The following MYH11 variants were observed in gnomAD, a reference collection of about 807,000 sequenced individuals.
MYH11 encodes myosin heavy chain 11, also known as myosin-11.
A neutral mutation model predicts 246.6 loss-of-function variants in MYH11; 80 were observed. The observed-to-expected ratio is 0.32, with a 90% CI of 0.27 to 0.39. The LOEUF (loss-of-function observed/expected upper bound fraction) is 0.39. Ranked by LOEUF, MYH11 falls within the 10% of genes least tolerant of loss-of-function variation. The pLI is 1.00. For missense variants in MYH11, 2,158 were observed against 2,546.8 expected, an observed-to-expected ratio of 0.85 and a Z score of 3.29; for synonymous variants, 1,071 against 1,015.5, an observed-to-expected ratio of 1.05 and a Z score of -1.04.
chr16:15,835,080 CA>C (rs111629749), intron 2 of MYH11, among the ~76,000 whole-genome samples: 38,075 of 125,050 alleles, frequency 0.3, 5,436 homozygotes, highest in Admixed American at 0.41. Flanking sequence ...GCCCCCATCT[CA>C]AAAAAAAAAA....
Position 15,756,451 on chromosome 16 carries a change from T to G in MYH11, c.1639A>C (p.Lys547Gln). Residue 547 changes from lysine (K) to glutamine (Q), a missense_variant, in exon 14 of 41, where the codon AAG becomes CAG. Physicochemically the swap from Lys to Gln is moderately conservative, Grantham distance 53 (BLOSUM62 1). Coordinates refer to ENST00000300036, the MANE Select transcript of MYH11 (RefSeq NM_002474.3). ...GTGCACAGCTTCTCCACGAAAGACTTGTCCGTGGCTTTGGGGAACCAGCAT... is the reference window on the plus strand; with the variant it reads ...GTGCACAGCTTCTCCACGAAAGACTGGTCCGTGGCTTTGGGGAACCAGCAT... Reference protein sequence around the residue: ...EECWFPKATDKSFVEKLCTEQ... With the variant: ...EECWFPKATDQSFVEKLCTEQ... 1 of 1,614,198 alleles carries G rather than the reference T, an allele frequency of 6.2e-7. No individual in the cohort carries two copies. The highest frequency in any genetic ancestry group is 8.5e-7 in the Non-Finnish European group (1 of 1,180,036).
intron 40 of MYH11, among the ~76,000 whole-genome samples, chr16:15,709,679 T>C (rs1287024796): frequency 6.6e-6 from 1 of 152,102 alleles, no homozygotes; most frequent in Non-Finnish European, 1.5e-5. Flanking sequence ...CTCCTATAAA[T>C]CCCATGATTG....
In MYH11 at chr16:15,742,288, A is replaced by G. The variant is rs1011105650; in HGVS notation, c.2521-397T>C. ...TGCTGAAAAGTGATATTTCCTTCCAAGGACAAAAGGGAGAAAAAAAATCTT... is the reference window on the plus strand; with the variant it reads ...TGCTGAAAAGTGATATTTCCTTCCAGGGACAAAAGGGAGAAAAAAAATCTT... On this transcript the variant is annotated intron_variant, in intron 20 of 40. Transcript: ENST00000300036. The G allele has an allele frequency of 1.1e-5, 3 of 275,670 alleles. No homozygotes were observed. In the South Asian group the frequency reaches 1.4e-4, roughly 13 times the overall value. 17.1% of individuals were successfully genotyped at this position (275,670 alleles called of 1,614,324 possible). A position where few individuals can be genotyped will look rare whatever the true frequency, so the allele number is the denominator to read the frequency against.
intron 3 of MYH11, among the ~76,000 whole-genome samples, chr16:15,819,744 C>T (rs376735817): frequency 3.9e-5 from 6 of 152,190 alleles, no homozygotes; most frequent in South Asian, 2.1e-4. Flanking sequence ...CGAATCATCC[C>T]GAACCATCTC....
chr16:15,842,762 C>CAAAA (rs757920488), intron 1 of MYH11, among the ~76,000 whole-genome samples: 1 of 19,670 alleles, frequency 5.1e-5, no homozygotes, highest in African/African-American at 1.1e-4. Flanking sequence ...AGACTTCATC[C>CAAAA]AAAAAAAAAA....
At chr16:15,837,042 A>AAAAGAAAC (rs2043916742) in intron 2 of MYH11, among the ~76,000 whole-genome samples, 1 of 152,116 alleles carries the variant, frequency 6.6e-6, no homozygotes, top group African/African-American at 2.4e-5. Context: ...TCTTTTAATT[A>AAAAGAAAC]ATTTAAATCT....
Position 15,788,077 on chromosome 16 carries a change from C to CTTTTTTTTTTTTTTT in MYH11, c.531-1360_531-1346dup, listed in dbSNP as rs1555569336. ...GTCCTCCTGGAATATGAAGGTAGAT[C>CTTTTTTTTTTTTTTT]TTTTTTTTTTTTTTTTTTACCAAGA... On this transcript the variant is annotated intron_variant, in intron 4 of 40. Coordinates refer to ENST00000300036, the MANE Select transcript of MYH11 (RefSeq NM_002474.3). Among the ~76,000 whole-genome samples, 181 of 55,338 alleles carry CTTTTTTTTTTTTTTT rather than the reference C, an allele frequency of 3.3e-3. 24 individuals are homozygous for CTTTTTTTTTTTTTTT. The highest frequency in any genetic ancestry group is 6.4e-3 in the South Asian group (7 of 1,098). 36.3% of individuals were successfully genotyped at this position (55,338 alleles called of 152,430 possible). A position where few individuals can be genotyped will look rare whatever the true frequency, so the allele number is the denominator to read the frequency against.
At chr16:15,832,389 A>G (rs1319056874) in intron 2 of MYH11, among the ~76,000 whole-genome samples, 2 of 152,156 alleles carry the variant, frequency 1.3e-5, no homozygotes, top group African/African-American at 4.8e-5. Flanking sequence ...GCATGAGTGA[A>G]GCAGGGCGTG....
intron 2 of MYH11, among the ~76,000 whole-genome samples, chr16:15,825,727 A>G (rs2043545366): frequency 6.6e-6 from 1 of 152,042 alleles, no homozygotes; most frequent in African/African-American, 2.4e-5. Flanking sequence ...GGGACGGAGG[A>G]GTCAAGGCAC....
chr16:15,714,551 G>A lies in MYH11; in HGVS notation c.5786+358C>T, dbSNP rs556672614. On this transcript the variant is annotated intron_variant, in intron 40 of 40. Coordinates refer to ENST00000300036, the MANE Select transcript of MYH11 (RefSeq NM_002474.3). ...CATGTCAGGAAGGAGGTGAAGTGGC[G>A]GGGGGTGGTGTTGCAGCTTCAATGG... is the stretch of plus-strand genomic sequence containing the variant. The A allele has an allele frequency of 4.0e-4, 164 of 406,654 alleles. 1 individual carries two copies. Among genetic ancestry groups the A allele is most frequent in the South Asian group, 5.1e-4 (20 of 38,946 alleles). The allele number at this position is 406,654 out of a possible 1,614,324, so 25.2% of individuals were successfully genotyped here.
intron 20 of MYH11, among the ~76,000 whole-genome samples, chr16:15,742,452 T>C (rs187662228): frequency 4.7e-4 from 71 of 152,322 alleles, no homozygotes; most frequent in African/African-American, 1.6e-3. Context: ...TTTAAAATTA[T>C]ATGATACAGA....
intron 10 of MYH11, among the ~76,000 whole-genome samples, chr16:15,763,180 A>T (rs764829809): frequency 6.6e-6 from 1 of 152,222 alleles, no homozygotes; most frequent in Admixed American, 6.5e-5. Flanking sequence ...ATTGAAATTT[A>T]TCTGGACATC....
intron 40 of MYH11, chr16:15,714,368 GGACTACTGCAGCCGGTGGGTA>G (rs1223755624): frequency 5.8e-6 from 1 of 172,922 alleles, no homozygotes; most frequent in Non-Finnish European, 1.3e-5. Flanking sequence ...GGGTGGTGGG[GGACTACTGCAGCCGGTGGGTA>G]GAGGCCAGAA....
At position 15,745,214 on chromosome 16, in the gene MYH11, T is replaced by C. The variant is rs761891932; in HGVS notation, c.2435A>G (p.Gln812Arg). Residue 812 changes from glutamine (Q) to arginine (R), a missense_variant, in exon 20 of 41, where the codon CAG becomes CGG. Gln to Arg is a conservative substitution (Grantham distance 43, BLOSUM62 1). Transcript: ENST00000300036. The stretch of plus-strand genomic sequence containing the variant: ...CTGAATCACCTTCATGGCGGTCAGC[T>C]GCTGCTGCCTCTTGGCAAAAGCCCT... Reference protein sequence around the residue: ...ARKAFAKRQQQLTAMKVIQRN... With the variant: ...ARKAFAKRQQRLTAMKVIQRN... 1.4e-5 allele frequency: 23 copies of C among 1,612,928 alleles called. No individual in the cohort carries two copies. The highest frequency in any genetic ancestry group is 3.3e-5 in the Admixed American group (2 of 59,952).
chr16:15,836,719 C>CTTTTTT (rs780997939), intron 2 of MYH11, among the ~76,000 whole-genome samples: 19 of 95,078 alleles, frequency 2.0e-4, no homozygotes, highest in East Asian at 3.1e-4. Flanking sequence ...TTTAATGTTT[C>CTTTTTT]TTTTTTTTTT....
rs925759805 is a variant in MYH11, at chr16:15,718,442, G to T, written c.5172-4C>A. 4 of 1,555,086 alleles carry T rather than the reference G, an allele frequency of 2.6e-6. No homozygotes were observed. The highest frequency in any genetic ancestry group is 2.3e-5 in the South Asian group (2 of 87,058). On this transcript the variant is annotated splice_region_variant and splice_polypyrimidine_tract_variant and intron_variant, in intron 36 of 40. Transcript: ENST00000300036. ...CTTCTCGTCCTGGAGTGCGTTCCTG[G>T]GGGAAGGGCGGCCATGGTGGGGGCC...
chr16:15,798,624 C>CAAAAAAAAAAAAAAAAAAAAA, intron 4 of MYH11, 36 bp downstream of exon 4: 1 of 870,258 alleles, frequency 1.1e-6, no homozygotes, highest in Non-Finnish European at 1.5e-6. Flanking sequence ...AAAAAAAAAA[C>CAAAAAAAAAAAAAAAAAAAAA]AAAAAAAAAA....
intron 3 of MYH11, among the ~76,000 whole-genome samples, chr16:15,813,560 C>A (rs950053702): frequency 1.3e-5 from 2 of 152,036 alleles, no homozygotes; most frequent in African/African-American, 4.8e-5. Context: ...AATAAAAATC[C>A]ATGATTATTA....
rs767239289 is a variant in MYH11 at position 15,823,271 on chromosome 16, G to T, written c.486C>A (p.Tyr162Ter). 6.2e-7 allele frequency: 1 copy of T among 1,614,090 alleles called. No individual in the cohort carries two copies. The highest frequency in any genetic ancestry group is 1.7e-5 in the Admixed American group (1 of 60,002). The change falls in exon 3 of 41, where the codon TAC becomes TAA. Residue 162 changes from tyrosine to a stop codon, truncating the protein, a stop_gained. Transcript: ENST00000300036. LOFTEE classifies it high-confidence loss of function. ...PHIYAIADTA[Y>*]RSMLQDREDQ... ...TTCACTCACCTTGAAGCATGCTCCG[G>T]TAGGCCGTGTCTGCGATGGCGTAGA...
Sources: allele counts gnomAD v4.1 joint callset (sites outside exome capture counted in the v4.1 genomes callset), GRCh38; gene constraint gnomAD v4.1.1; transcripts MANE v1.5; gene names NCBI Gene and HGNC (gene_info 2026-07-23, HGNC 2026-07-21).